Variants in CDH20 observed in about 807,000 individuals in gnomAD.
CDH20 encodes cadherin 20.
CDH20 carries 29 observed loss-of-function variants against 74.2 expected under a neutral mutation model. That is an observed-to-expected ratio of 0.39 (90% CI 0.29 to 0.53). The LOEUF is 0.53. Ranked by LOEUF, CDH20 falls within the 20% of genes least tolerant of loss-of-function variation. The probability of loss-of-function intolerance (pLI) is 0.69; values close to 1 mark genes in which losing one functional copy is unlikely to be tolerated. For synonymous variants in CDH20, 469 were observed against 405.4 expected (o/e 1.16, Z -1.88); for missense variants, 988 against 1,048.3 (o/e 0.94, Z 0.79).
intron 6 of CDH20, among the ~76,000 whole-genome samples, chr18:61,510,563 A>G (rs985486272): frequency 3.3e-5 from 5 of 152,220 alleles, no homozygotes; most frequent in Non-Finnish European, 7.3e-5. Flanking sequence ...AGAAGGGAAT[A>G]AGGGACCAGT....
At chr18:61,516,615 T>C (rs1471756333) in intron 6 of CDH20, among the ~76,000 whole-genome samples, 1 of 152,208 alleles carries the variant, frequency 6.6e-6, no homozygotes, top group Non-Finnish European at 1.5e-5. Context: ...GATTCTCAGA[T>C]ATTATTACTT....
chr18:61,348,529 T>C (rs1910207268), intron 1 of CDH20, among the ~76,000 whole-genome samples: 1 of 152,186 alleles, frequency 6.6e-6, no homozygotes, highest in Non-Finnish European at 1.5e-5. Flanking sequence ...TTCTGAATGG[T>C]GGGGCACATG....
chr18:61,504,131 C>T (rs1363083047), intron 5 of CDH20, among the ~76,000 whole-genome samples: 2 of 152,100 alleles, frequency 1.3e-5, no homozygotes, highest in Non-Finnish European at 2.9e-5. Flanking sequence ...GCTGTATCTC[C>T]AGTGGAAGCC....
In CDH20 at chr18:61,554,319, C is replaced by A; in HGVS notation, c.2030C>A (p.Ala677Asp). Reference protein sequence around the residue: ...DEGGGEEDTEAFDIAAMWNPR... With the variant: ...DEGGGEEDTEDFDIAAMWNPR... ...GGCGGCGGCGAGGAGGACACCGAGG[C>A]CTTCGACATCGCGGCCATGTGGAAC... is the stretch of plus-strand genomic sequence containing the variant. The change falls in exon 12 of 12, where the codon GCC becomes GAC. Residue 677 changes from alanine to aspartate, a missense_variant. By Grantham distance (126) the Ala-to-Asp change is moderately radical (BLOSUM62 -2). Coordinates refer to ENST00000262717, the MANE Select transcript of CDH20 (RefSeq NM_031891.4). 1 of 1,613,750 alleles carries A rather than the reference C, an allele frequency of 6.2e-7. No homozygotes were observed. Among genetic ancestry groups the A allele is most frequent in the Non-Finnish European group, 8.5e-7 (1 of 1,179,962 alleles).
At position 61,496,266 on chromosome 18, in the gene CDH20, C is replaced by CCCTTCCTTTCCCTT. The variant is rs373931764; in HGVS notation, c.247-2917_247-2904dup. Among the ~76,000 whole-genome samples, 380 of 125,786 alleles carry CCCTTCCTTTCCCTT rather than the reference C, an allele frequency of 3.0e-3. 2 individuals carry two copies. The highest frequency in any genetic ancestry group is 0.011 in the African/African-American group (351 of 30,986). The allele number at this position is 125,786 out of a possible 152,430, so 82.5% of individuals were successfully genotyped here. ...TTCTCCCCGCCTTCTCCCTTCCTCT[C>CCCTTCCTTTCCCTT]CCTTCCTTTCCCTTCCCTCCTTTCT... On this transcript the variant is annotated intron_variant, in intron 2 of 11. Transcript: ENST00000262717.
chr18:61,390,873 T>C (rs1911758943), intron 1 of CDH20, among the ~76,000 whole-genome samples: 3 of 152,142 alleles, frequency 2.0e-5, no homozygotes, highest in Admixed American at 6.5e-5. Context: ...ATAGAAAATA[T>C]AGCATTGGAA....
At chr18:61,528,332 G>T in intron 7 of CDH20, 112 bp downstream of exon 7, 1 of 1,108,614 alleles carries the variant, frequency 9.0e-7, no homozygotes, top group Admixed American at 2.3e-5. Flanking sequence ...CATTTCTGGA[G>T]ACTCTCCTCT....
At chr18:61,362,677 T>A (rs1166600315) in intron 1 of CDH20, among the ~76,000 whole-genome samples, 1 of 152,106 alleles carries the variant, frequency 6.6e-6, no homozygotes, top group Non-Finnish European at 1.5e-5. Context: ...TATGACTAAG[T>A]ACTATGTAGT....
chr18:61,419,337 G>T lies in CDH20; in HGVS notation c.-152-71065G>T, dbSNP rs538690612. 2.6e-4 allele frequency among the ~76,000 whole-genome samples: 39 copies of T among 152,296 alleles called. 1 individual carries two copies. The highest frequency in any genetic ancestry group is 9.4e-4 in the African/African-American group (39 of 41,572). Reference sequence around the variant, plus strand: ...CTGCCTCAGCCTCTCAAAGTGCTAGGATTACAGGTGGATATTTTCAGTTTA... The same window carrying T: ...CTGCCTCAGCCTCTCAAAGTGCTAGTATTACAGGTGGATATTTTCAGTTTA... On this transcript the variant is annotated intron_variant, in intron 1 of 11. Coordinates refer to ENST00000262717, the MANE Select transcript of CDH20 (RefSeq NM_031891.4).
At chr18:61,418,877 G>A (rs951491533) in intron 1 of CDH20, among the ~76,000 whole-genome samples, 49 of 152,124 alleles carry the variant, frequency 3.2e-4, no homozygotes, top group African/African-American at 1.0e-3. Context: ...TGCACATAGG[G>A]AAATATTTTG....
At chr18:61,531,252 G>A (rs562337986) in intron 7 of CDH20, among the ~76,000 whole-genome samples, 1 of 152,316 alleles carries the variant, frequency 6.6e-6, no homozygotes, top group East Asian at 1.9e-4. Flanking sequence ...ATGCTGTCAG[G>A]GGTCCTGTGG....
At chr18:61,387,135 C>T (rs1417171540) in intron 1 of CDH20, among the ~76,000 whole-genome samples, 1 of 152,136 alleles carries the variant, frequency 6.6e-6, no homozygotes, top group East Asian at 1.9e-4. Flanking sequence ...TACATCTATT[C>T]AACCTTCACA....
intron 4 of CDH20, among the ~76,000 whole-genome samples, chr18:61,501,481 T>A (rs573689344): frequency 6.6e-6 from 1 of 152,178 alleles, no homozygotes; most frequent in Admixed American, 6.5e-5. Context: ...TATATGAGGG[T>A]AAACATGGGA....
intron 1 of CDH20, among the ~76,000 whole-genome samples, chr18:61,382,236 C>T (rs1911455708): frequency 6.6e-6 from 1 of 152,198 alleles, no homozygotes; most frequent in Admixed American, 6.5e-5. Context: ...GATCACTTTC[C>T]TCCTTAAGTC....
rs17062547 is a variant in CDH20 at position 61,333,769 on chromosome 18, A to G, written c.-211A>G. The G allele has an allele frequency of 0.31, 47,900 of 152,644 alleles. 7,873 individuals are homozygous for G. Among genetic ancestry groups the G allele is most frequent in the African/African-American group, 0.38 (15,939 of 41,478 alleles). The allele number at this position is 152,644 out of a possible 1,614,324, so 9.5% of individuals were successfully genotyped here. A position where few individuals can be genotyped will look rare whatever the true frequency, so the allele number is the denominator to read the frequency against. Reference sequence around the variant, plus strand: ...GTGGGGGAGGCAGCTACGTGAGCAGAACGCCCGCCCTGGAGCAGTTAGGAC... The same window carrying G: ...GTGGGGGAGGCAGCTACGTGAGCAGGACGCCCGCCCTGGAGCAGTTAGGAC... On this transcript the variant is annotated 5_prime_UTR_variant, in exon 1 of 12. Transcript: ENST00000262717.
Position 61,500,509 on chromosome 18 carries a change from G to A in CDH20, c.661+7G>A, listed in dbSNP as rs781773106. On this transcript the variant is annotated splice_region_variant and intron_variant, in intron 4 of 11. Coordinates refer to ENST00000262717, the MANE Select transcript of CDH20 (RefSeq NM_031891.4). The stretch of plus-strand genomic sequence containing the variant: ...TCTGTGGACTCTAAAACAGGTATCT[G>A]ATACAAGGGTCGAGTCAGAGGTGTT... 5 of 1,604,508 alleles carry A rather than the reference G, an allele frequency of 3.1e-6. No individual in the cohort carries two copies. The South Asian group carries it at 5.6e-5, about 18-fold the overall frequency.
intron 1 of CDH20, among the ~76,000 whole-genome samples, chr18:61,376,817 G>T (rs17809833): frequency 0.07 from 10,672 of 152,104 alleles, 460 homozygotes; most frequent in Non-Finnish European, 0.1. Flanking sequence ...GCTTTCACAA[G>T]GTCAGGAATC....
At chr18:61,458,333 GT>G (rs1315540691) in intron 1 of CDH20, among the ~76,000 whole-genome samples, 1 of 152,168 alleles carries the variant, frequency 6.6e-6, no homozygotes, top group Non-Finnish European at 1.5e-5. Flanking sequence ...ACCAAAAGTT[GT>G]TAATGATGTA....
chr18:61,347,831 A>T (rs1376593488), intron 1 of CDH20, among the ~76,000 whole-genome samples: 1 of 152,212 alleles, frequency 6.6e-6, no homozygotes, highest in Admixed American at 6.5e-5. Flanking sequence ...AGACTTTGAG[A>T]AATTCATAAA....
Sources: gnomAD v4.1 joint callset for allele counts (sites outside exome capture counted in the v4.1 genomes callset) on GRCh38, gnomAD v4.1.1 for gene constraint, MANE v1.5 for transcripts, NCBI Gene and HGNC (gene_info 2026-07-23, HGNC 2026-07-21) for gene names.